Variants in STXBP6 observed in about 807,000 individuals in gnomAD.
STXBP6 encodes the protein syntaxin-binding protein 6.
A neutral mutation model predicts 26.9 loss-of-function variants in STXBP6; 21 were observed. The observed-to-expected ratio is 0.78, with a 90% CI of 0.55 to 1.12. STXBP6 has a LOEUF of 1.12. Among genes scored for constraint, STXBP6 ranks in the 50% most tolerant of loss-of-function variants. STXBP6 has a pLI of 0.00. For missense variants in STXBP6, 232 were observed against 257.9 expected (o/e 0.90, Z 0.69); for synonymous variants, 97 against 92.6 (o/e 1.05, Z -0.27).
intron 4 of STXBP6, among the ~76,000 whole-genome samples, chr14:24,839,437 T>C (rs939988357): frequency 1.3e-5 from 2 of 152,130 alleles, no homozygotes; most frequent in Non-Finnish European, 2.9e-5. Flanking sequence ...GATCTATAGA[T>C]ACATTATCCC....
intron 2 of STXBP6, among the ~76,000 whole-genome samples, chr14:24,876,396 T>C (rs181645630): frequency 6.6e-6 from 1 of 152,360 alleles, no homozygotes; most frequent in South Asian, 2.1e-4. Flanking sequence ...CTTCCTCATC[T>C]TGTTTCCTGG....
At chr14:24,968,848 A>G (rs2073815165) in intron 2 of STXBP6, among the ~76,000 whole-genome samples, 1 of 152,204 alleles carries the variant, frequency 6.6e-6, no homozygotes, top group African/African-American at 2.4e-5. Context: ...CAGATATCCC[A>G]ATAAGACAAC....
intron 2 of STXBP6, among the ~76,000 whole-genome samples, chr14:24,941,075 G>A (rs1443277061): frequency 6.6e-6 from 1 of 152,086 alleles, no homozygotes; most frequent in East Asian, 1.9e-4. Flanking sequence ...GGCTTGACAA[G>A]CAGGAGATAT....
intron 2 of STXBP6, among the ~76,000 whole-genome samples, chr14:24,903,038 T>G (rs2071268334): frequency 6.6e-6 from 1 of 152,228 alleles, no homozygotes; most frequent in Non-Finnish European, 1.5e-5. Context: ...AGACAAGTAC[T>G]AATCACACAG....
chr14:25,005,191 T>C (rs74037434), intron 1 of STXBP6, among the ~76,000 whole-genome samples: 1,539 of 152,312 alleles, frequency 0.01, 19 homozygotes, highest in African/African-American at 0.034. Flanking sequence ...GAAACAAAGA[T>C]ATGACACAAC....
At chr14:25,016,182 C>T (rs2075143445) in intron 1 of STXBP6, among the ~76,000 whole-genome samples, 1 of 152,058 alleles carries the variant, frequency 6.6e-6, no homozygotes, top group Admixed American at 6.6e-5. Flanking sequence ...TACTTTTTTC[C>T]TACTTTCCCC....
intron 2 of STXBP6, among the ~76,000 whole-genome samples, chr14:24,919,088 G>A (rs1376536933): frequency 6.6e-6 from 1 of 152,038 alleles, no homozygotes; most frequent in Non-Finnish European, 1.5e-5. Context: ...TCCTTCCTCA[G>A]GAACACAGCC....
intron 2 of STXBP6, among the ~76,000 whole-genome samples, chr14:24,967,362 G>T (rs2073768386): frequency 6.6e-6 from 1 of 152,166 alleles, no homozygotes; most frequent in South Asian, 2.1e-4. Flanking sequence ...TGGGTGCATG[G>T]CAGGTGCTGC....
intron 2 of STXBP6, among the ~76,000 whole-genome samples, chr14:24,911,212 C>T (rs899948043): frequency 2.0e-5 from 3 of 151,852 alleles, no homozygotes; most frequent in African/African-American, 4.8e-5. Flanking sequence ...TGGCACATAC[C>T]CATGGTCCCA....
intron 2 of STXBP6, among the ~76,000 whole-genome samples, chr14:24,947,738 CA>C (rs1305906728): frequency 1.3e-5 from 2 of 151,972 alleles, no homozygotes; most frequent in Non-Finnish European, 2.9e-5. Flanking sequence ...AGTTTAATGA[CA>C]AAAAAAGCCC....
At chr14:24,851,202 A>G (rs2069137266) in intron 4 of STXBP6, among the ~76,000 whole-genome samples, 1 of 150,762 alleles carries the variant, frequency 6.6e-6, no homozygotes, top group Non-Finnish European at 1.5e-5. Context: ...ATACCCGTTA[A>G]TCTATACTGA....
chr14:24,912,411 G>A (rs948373123), intron 2 of STXBP6, among the ~76,000 whole-genome samples: 8 of 149,938 alleles, frequency 5.3e-5, no homozygotes, highest in Admixed American at 2.0e-4. Context: ...AGGGAAAGGT[G>A]GCTGGGTAAG....
At chr14:25,019,949 G>A (rs1013165318) in intron 1 of STXBP6, among the ~76,000 whole-genome samples, 20 of 133,254 alleles carry the variant, frequency 1.5e-4, no homozygotes, top group Non-Finnish European at 6.2e-5. Flanking sequence ...CCAACGATTT[G>A]CCATTCACAG....
chr14:24,976,712 G>A (rs1478560309), intron 1 of STXBP6, among the ~76,000 whole-genome samples: 1 of 152,024 alleles, frequency 6.6e-6, no homozygotes, highest in Non-Finnish European at 1.5e-5. Flanking sequence ...ACACATACTG[G>A]TTATTTTCTA....
chr14:24,980,213 C>A (rs1490198428), intron 1 of STXBP6, among the ~76,000 whole-genome samples: 1 of 152,026 alleles, frequency 6.6e-6, no homozygotes, highest in East Asian at 1.9e-4. Context: ...AGCTTTTATG[C>A]AAAGAAAATC....
At chr14:25,046,388 A>G (rs729368) in intron 1 of STXBP6, among the ~76,000 whole-genome samples, 93,494 of 152,102 alleles carry the variant, frequency 0.61, 30,279 homozygotes, top group African/African-American at 0.84. Context: ...TTTGGGCCTG[A>G]AAGTTTTATC....
At chr14:24,917,743 ATAAAT>A (rs908653154) in intron 2 of STXBP6, among the ~76,000 whole-genome samples, 4 of 152,132 alleles carry the variant, frequency 2.6e-5, no homozygotes, top group Admixed American at 6.5e-5. Flanking sequence ...CAAAAAAAAG[ATAAAT>A]TAAAATTCAT....
At chr14:24,814,980 T>A (rs1425125458) in intron 5 of STXBP6, among the ~76,000 whole-genome samples, 1 of 112,994 alleles carries the variant, frequency 8.9e-6, no homozygotes, top group Admixed American at 8.5e-5. Context: ...AGTCACCCAG[T>A]TTATGGTATT....
chr14:25,036,986 T>A (rs545119192), intron 1 of STXBP6, among the ~76,000 whole-genome samples: 1 of 152,184 alleles, frequency 6.6e-6, no homozygotes, highest in Non-Finnish European at 1.5e-5. Context: ...AACAGTGACA[T>A]TATTCATCAG....
Sources: gnomAD v4.1 joint callset for allele counts (sites outside exome capture counted in the v4.1 genomes callset) on GRCh38, gnomAD v4.1.1 for gene constraint, MANE v1.5 for transcripts, NCBI Gene and HGNC (gene_info 2026-07-23, HGNC 2026-07-21) for gene names.